Variants in ERBB4 observed in about 807,000 individuals in gnomAD.
The protein encoded by ERBB4 is erb-b2 receptor tyrosine kinase 4, also known as receptor tyrosine-protein kinase erbB-4.
ERBB4 carries 42 observed loss-of-function variants against 158.0 expected under a neutral mutation model. The observed-to-expected ratio is 0.27, with a 90% CI of 0.21 to 0.34. The LOEUF is 0.34. Among genes scored for constraint, ERBB4 ranks in the 10% least tolerant of loss-of-function variants. The pLI, the probability that ERBB4 is intolerant of heterozygous loss-of-function variation, is 1.00. For missense variants in ERBB4, 1,333 were observed against 1,624.1 expected (o/e 0.82, Z 3.08); for synonymous variants, 583 against 558.7 (o/e 1.04, Z -0.61).
intron 14 of ERBB4, among the ~76,000 whole-genome samples, chr2:211,669,805 C>T (rs536395054): frequency 3.7e-4 from 57 of 152,234 alleles, no homozygotes; most frequent in African/African-American, 1.1e-3. Flanking sequence ...CTGAGATGTA[C>T]GAGAAATTTA....
At chr2:212,301,249 T>C (rs948078623) in intron 1 of ERBB4, among the ~76,000 whole-genome samples, 11 of 151,316 alleles carry the variant, frequency 7.3e-5, no homozygotes, top group African/African-American at 2.7e-4. Flanking sequence ...CCCCAGATAT[T>C]ATATTATCGC....
At chr2:211,948,195 T>A (rs770471500) in intron 2 of ERBB4, among the ~76,000 whole-genome samples, 17 of 152,034 alleles carry the variant, frequency 1.1e-4, no homozygotes, top group South Asian at 2.1e-4. Flanking sequence ...CCAGCACTTC[T>A]GGAGGCTGAG....
intron 20 of ERBB4, among the ~76,000 whole-genome samples, chr2:211,550,300 C>A (rs1299001763): frequency 6.6e-6 from 1 of 151,894 alleles, no homozygotes; most frequent in Non-Finnish European, 1.5e-5. Flanking sequence ...TTGATCACAG[C>A]TCTTTTCTTC....
At chr2:212,443,109 C>T (rs769992632) in intron 1 of ERBB4, among the ~76,000 whole-genome samples, 10 of 152,334 alleles carry the variant, frequency 6.6e-5, no homozygotes, top group African/African-American at 1.2e-4. Flanking sequence ...CATTCCTGTC[C>T]GTAAGGCCCA....
intron 5 of ERBB4, among the ~76,000 whole-genome samples, chr2:211,742,612 T>C: frequency 6.6e-6 from 1 of 151,988 alleles, no homozygotes; most frequent in Middle Eastern, 3.3e-3. Context: ...TCCCCTTTAC[T>C]ATTAAACTGA....
chr2:212,311,077 T>C (rs1000481873), intron 1 of ERBB4, among the ~76,000 whole-genome samples: 3 of 150,802 alleles, frequency 2.0e-5, no homozygotes. Flanking sequence ...ACAAACTTCC[T>C]TGAGACTAGG....
At chr2:211,488,066 CATT>C (rs2065250761) in intron 20 of ERBB4, among the ~76,000 whole-genome samples, 1 of 148,678 alleles carries the variant, frequency 6.7e-6, no homozygotes, top group Non-Finnish European at 1.5e-5. Flanking sequence ...GGAAGAACCA[CATT>C]TTTTTTTTTG....
At chr2:211,721,755 A>C (rs1476113300) in intron 7 of ERBB4, among the ~76,000 whole-genome samples, 1 of 152,018 alleles carries the variant, frequency 6.6e-6, no homozygotes, top group Non-Finnish European at 1.5e-5. Context: ...TATTAGAAGC[A>C]GATCCTATTC....
At chr2:212,445,378 G>A (rs1387283049) in intron 1 of ERBB4, among the ~76,000 whole-genome samples, 3 of 152,106 alleles carry the variant, frequency 2.0e-5, no homozygotes, top group South Asian at 2.1e-4. Flanking sequence ...CTGTTCCTGC[G>A]GCATTACATT....
At position 211,422,064 on chromosome 2, in the gene ERBB4, T is replaced by G; in HGVS notation, c.2907A>C (p.Glu969Asp). Reference sequence around the variant, plus strand: ...CCATCCTTGAAAACTCAGCAGCCAGTTCCTTAAATTTAGGTCTACTGTCAG... The same window carrying G: ...CCATCCTTGAAAACTCAGCAGCCAGGTCCTTAAATTTAGGTCTACTGTCAG... ...IDADSRPKFK[E>D]LAAEFSRMAR... Residue 969 changes from glutamate (E) to aspartate (D), a missense_variant, in exon 24 of 28, where the codon GAA becomes GAC. Glu to Asp is a conservative substitution (Grantham distance 45). Transcript: ENST00000342788. 6.2e-7 allele frequency: 1 copy of G among 1,612,406 alleles called. No individual in the cohort carries two copies. The highest frequency in any genetic ancestry group is 8.5e-7 in the Non-Finnish European group (1 of 1,178,592).
At chr2:212,164,374 A>G (rs1191888095) in intron 1 of ERBB4, among the ~76,000 whole-genome samples, 1 of 152,072 alleles carries the variant, frequency 6.6e-6, no homozygotes, top group African/African-American at 2.4e-5. Flanking sequence ...ATATTACTAA[A>G]CTAATTTTAT....
chr2:212,423,189 A>G (rs2091835722), intron 1 of ERBB4, among the ~76,000 whole-genome samples: 1 of 152,172 alleles, frequency 6.6e-6, no homozygotes, highest in Non-Finnish European at 1.5e-5. Flanking sequence ...AAAAAATGCA[A>G]TTATAAGCAA....
chr2:212,274,096 G>C (rs369200382), intron 1 of ERBB4, among the ~76,000 whole-genome samples: 12 of 151,754 alleles, frequency 7.9e-5, no homozygotes, highest in Non-Finnish European at 1.6e-4. Flanking sequence ...ATGTTATTAA[G>C]AAAATCACGA....
intron 2 of ERBB4, among the ~76,000 whole-genome samples, chr2:212,102,222 C>G (rs66522864): frequency 1.3e-5 from 2 of 150,176 alleles, no homozygotes; most frequent in African/African-American, 2.4e-5. Context: ...CTCTGGTGTT[C>G]AAAGCTGGTT....
At chr2:211,668,830 C>T (rs1466902659) in intron 14 of ERBB4, among the ~76,000 whole-genome samples, 1 of 152,072 alleles carries the variant, frequency 6.6e-6, no homozygotes, top group Non-Finnish European at 1.5e-5. Context: ...TCACAGACCC[C>T]ATGTAGAAGT....
intron 25 of ERBB4, among the ~76,000 whole-genome samples, chr2:211,410,392 T>A (rs1284611748): frequency 6.6e-6 from 1 of 152,214 alleles, no homozygotes; most frequent in Non-Finnish European, 1.5e-5. Flanking sequence ...AAACATGCAT[T>A]TATAGGTTTA....
At chr2:211,860,386 G>T (rs1045935327) in intron 3 of ERBB4, among the ~76,000 whole-genome samples, 1 of 152,134 alleles carries the variant, frequency 6.6e-6, no homozygotes, top group Non-Finnish European at 1.5e-5. Context: ...GTTTTAGCAA[G>T]CACCAAGGAA....
chr2:211,792,682 T>C lies in ERBB4; in HGVS notation c.422-4523A>G, dbSNP rs565201357. Among the ~76,000 whole-genome samples the C allele has an allele frequency of 5.3e-5, 8 of 151,954 alleles. No individual in the cohort carries two copies. The South Asian group carries it at 1.7e-3, about 31-fold the overall frequency. ...ATTGAACTGTAAGTCTACCTCACAT[T>C]GTCCTTACATTTTTCAGAAAGGTAT... On this transcript the variant is annotated intron_variant, in intron 3 of 27. Transcript: ENST00000342788.
chr2:212,264,496 A>G (rs149404421), intron 1 of ERBB4, among the ~76,000 whole-genome samples: 2 of 152,222 alleles, frequency 1.3e-5, no homozygotes, highest in East Asian at 1.9e-4. Context: ...GGCTCTACAG[A>G]CAAGAACTCT....
Sources: gnomAD v4.1 joint callset for allele counts (sites outside exome capture counted in the v4.1 genomes callset) on GRCh38, gnomAD v4.1.1 for gene constraint, MANE v1.5 for transcripts, NCBI Gene and HGNC (gene_info 2026-07-23, HGNC 2026-07-21) for gene names.